MMS22L: variants seen among roughly 807,000 people sequenced by gnomAD.
The protein encoded by MMS22L is MMS22 like, DNA repair protein.
MMS22L carries 74 observed loss-of-function variants against 159.1 expected under a neutral mutation model. The observed-to-expected ratio is 0.47, with a 90% confidence interval of 0.39 to 0.56. MMS22L has a LOEUF of 0.56. Ranked by LOEUF, MMS22L falls within the 20% of genes least tolerant of loss-of-function variation. The probability of loss-of-function intolerance (pLI) is 0.00; values close to 1 mark genes in which losing one functional copy is unlikely to be tolerated. For missense variants in MMS22L, 1,351 were observed against 1,422.1 expected (o/e 0.95, Z 0.80); for synonymous variants, 517 against 506.9 (o/e 1.02, Z -0.27).
intron 19 of MMS22L, among the ~76,000 whole-genome samples, chr6:97,170,438 T>C (rs35402825): frequency 0.092 from 13,648 of 149,114 alleles, 1,155 homozygotes; most frequent in African/African-American, 0.23. Context: ...TTTAAATACA[T>C]ACAGTACCTT....
chr6:97,146,933 T>C, intron 24 of MMS22L, 46 bp from the exon 25 acceptor site: 2 of 1,274,810 alleles, frequency 1.6e-6, no homozygotes, highest in Non-Finnish European at 2.2e-6. Flanking sequence ...AACATTTTCA[T>C]TATTTTTCAT....
chr6:97,227,396 C>T (rs913317927), intron 14 of MMS22L, among the ~76,000 whole-genome samples: 3 of 152,220 alleles, frequency 2.0e-5, no homozygotes, highest in Admixed American at 2.0e-4. Context: ...TAGACCAACA[C>T]CCTCCTCTTC....
At chr6:97,272,438 CTAT>C (rs1302491942) in intron 6 of MMS22L, 1 of 319,594 alleles carries the variant, frequency 3.1e-6, no homozygotes, top group Non-Finnish European at 5.7e-6. Context: ...TCAATGACTA[CTAT>C]GTTTTAATAA....
intron 14 of MMS22L, among the ~76,000 whole-genome samples, chr6:97,218,410 A>C (rs1012192195): frequency 3.3e-5 from 5 of 152,188 alleles, no homozygotes; most frequent in Non-Finnish European, 7.3e-5. Flanking sequence ...GAAATGGTGA[A>C]AAAGTGATGG....
intron 2 of MMS22L, 27 bp downstream of exon 2, chr6:97,282,287 G>A (rs1156536191): frequency 1.2e-6 from 2 of 1,609,256 alleles, no homozygotes; most frequent in Non-Finnish European, 1.7e-6. Flanking sequence ...AATCAGATGA[G>A]GGAAAATGTC....
chr6:97,246,290 G>C (rs941845610), intron 11 of MMS22L: 4 of 374,986 alleles, frequency 1.1e-5, no homozygotes, highest in Non-Finnish European at 2.0e-5. Context: ...TGAGGATATA[G>C]CTGAATTTTC....
intron 11 of MMS22L, 98 bp downstream of exon 11, chr6:97,246,530 T>G: frequency 1.1e-6 from 1 of 907,748 alleles, no homozygotes; most frequent in South Asian, 1.9e-5. Flanking sequence ...AGTTATTTGT[T>G]TTCTGAATCA....
intron 6 of MMS22L, chr6:97,272,309 A>T (rs530030353): frequency 6.5e-6 from 1 of 154,240 alleles, no homozygotes; most frequent in South Asian, 2.0e-4. Flanking sequence ...TTTTTTTATA[A>T]GCTGATCTTG....
At chr6:97,185,362 C>T (rs1805115361) in intron 15 of MMS22L, among the ~76,000 whole-genome samples, 1 of 152,112 alleles carries the variant, frequency 6.6e-6, no homozygotes, top group South Asian at 2.1e-4. Context: ...CTCTCCTAAA[C>T]TATCAAGTCT....
chr6:97,193,830 G>A (rs1041298721), intron 14 of MMS22L, among the ~76,000 whole-genome samples: 8 of 151,900 alleles, frequency 5.3e-5, no homozygotes, highest in Non-Finnish European at 7.4e-5. Flanking sequence ...GCAAGATCTC[G>A]GCTCACTGCA....
At chr6:97,174,640 G>A (rs1164770944) in intron 18 of MMS22L, among the ~76,000 whole-genome samples, 1 of 152,166 alleles carries the variant, frequency 6.6e-6, no homozygotes, top group African/African-American at 2.4e-5. Flanking sequence ...TCACTCATGA[G>A]CTGGAAGGAC....
chr6:97,153,751 G>A (rs765175684), intron 22 of MMS22L, among the ~76,000 whole-genome samples: 1 of 152,056 alleles, frequency 6.6e-6, no homozygotes, highest in Non-Finnish European at 1.5e-5. Flanking sequence ...TTCTTTCACT[G>A]AGAATAATGT....
chr6:97,188,029 G>A (rs1805433511), intron 14 of MMS22L, among the ~76,000 whole-genome samples: 1 of 152,162 alleles, frequency 6.6e-6, no homozygotes, highest in Non-Finnish European at 1.5e-5. Flanking sequence ...CCAAATATCT[G>A]CTATGTCCTC....
chr6:97,195,027 T>C (rs1237560956), intron 14 of MMS22L, among the ~76,000 whole-genome samples: 1 of 152,136 alleles, frequency 6.6e-6, no homozygotes, highest in East Asian at 1.9e-4. Context: ...GAGCTTTATG[T>C]ATAAAAAAGA....
At chr6:97,225,478 G>C (rs1810131633) in intron 14 of MMS22L, among the ~76,000 whole-genome samples, 1 of 151,552 alleles carries the variant, frequency 6.6e-6, no homozygotes, top group Non-Finnish European at 1.5e-5. Context: ...AGCCTCCTGA[G>C]TATCTGGGAT....
intron 14 of MMS22L, among the ~76,000 whole-genome samples, chr6:97,194,220 G>T (rs1029762612): frequency 1.3e-5 from 2 of 151,660 alleles, no homozygotes; most frequent in South Asian, 2.1e-4. Context: ...ACCATGCTCC[G>T]CTAATTTTTG....
At chr6:97,153,248 A>ACAAC (rs1801498439) in intron 22 of MMS22L, among the ~76,000 whole-genome samples, 2 of 152,228 alleles carry the variant, frequency 1.3e-5, no homozygotes, top group African/African-American at 4.8e-5. Flanking sequence ...TCAGAGTTGT[A>ACAAC]CAACCATCAT....
At chr6:97,158,412 A>AG (rs1802079596) in intron 22 of MMS22L, among the ~76,000 whole-genome samples, 1 of 152,036 alleles carries the variant, frequency 6.6e-6, no homozygotes, top group Admixed American at 6.6e-5. Flanking sequence ...TTAGGGTGTC[A>AG]ATTTTAGATC....
In MMS22L at chr6:97,143,696, C is replaced by A. The variant is rs1446896172; in HGVS notation, c.*3110G>T. 1 of 152,122 alleles carries A rather than the reference C, an allele frequency of 6.6e-6. No homozygotes were observed. Among genetic ancestry groups the A allele is most frequent in the Non-Finnish European group, 1.5e-5 (1 of 68,038 alleles). 9.4% of individuals were successfully genotyped at this position (152,122 alleles called of 1,614,324 possible). On this transcript the variant is annotated 3_prime_UTR_variant, in exon 25 of 25. Transcript: ENST00000683635. ...CATGAAGAACCTAAAATGCCTCTGA[C>A]ATTTCAAGGCTAAATAACTTAGGAC...
Sources: gnomAD v4.1 joint callset for allele counts (sites outside exome capture counted in the v4.1 genomes callset) on GRCh38, gnomAD v4.1.1 for gene constraint, MANE v1.5 for transcripts, NCBI Gene and HGNC (gene_info 2026-07-23, HGNC 2026-07-21) for gene names.